The following DIP2A variants were observed in gnomAD, a reference collection of about 807,000 sequenced individuals.
DIP2A encodes the protein disco-interacting protein 2 homolog A.
Under a neutral mutation model 177.4 loss-of-function variants are expected in DIP2A, and 85 were observed. The ratio of observed to expected loss-of-function variants is 0.48; its 90% confidence interval spans 0.40 to 0.57. DIP2A has a LOEUF of 0.57. Among genes scored for constraint, DIP2A ranks in the 20% least tolerant of loss-of-function variants. DIP2A has a pLI of 0.00. For missense variants in DIP2A, 1,791 were observed against 2,100.2 expected (o/e 0.85, Z 2.88); for synonymous variants, 886 against 881.8 (o/e 1.00, Z -0.08).
At position 46,511,504 on chromosome 21, in the gene DIP2A, G is replaced by A. The variant is rs369917913; in HGVS notation, c.992G>A (p.Arg331Gln). 2.7e-5 allele frequency: 43 copies of A among 1,612,540 alleles called. No homozygotes were observed. Among genetic ancestry groups the A allele is most frequent in the Non-Finnish European group, 3.2e-5 (38 of 1,179,402 alleles). The change falls in exon 8 of 38, where the codon CGA becomes CAA. Residue 331 changes from arginine to glutamine, a missense_variant. By Grantham distance (43) the Arg-to-Gln change is conservative. Coordinates refer to ENST00000417564, the MANE Select transcript of DIP2A (RefSeq NM_015151.4). ...GAGCCTCTCACTGCAGGTGTCCCCC[G>A]ACCGCCGTCGCTGTTGGCCACCTTG... ...RGEPLTAGVP[R>Q]PPSLLATLQR...
At chr21:46,483,374 T>C (rs1306505908) in intron 1 of DIP2A, among the ~76,000 whole-genome samples, 2 of 145,052 alleles carry the variant, frequency 1.4e-5, no homozygotes, top group Non-Finnish European at 3.0e-5. Flanking sequence ...TGGAACACAG[T>C]GGGGACACAG....
chr21:46,489,374 G>A (rs931754937), intron 2 of DIP2A, among the ~76,000 whole-genome samples: 3 of 152,272 alleles, frequency 2.0e-5, no homozygotes, highest in Admixed American at 6.5e-5. Context: ...ATCCTGTGAG[G>A]GCTCCTCAGT....
chr21:46,490,322 C>T (rs1280327612), intron 2 of DIP2A, among the ~76,000 whole-genome samples: 1 of 152,154 alleles, frequency 6.6e-6, no homozygotes, highest in African/African-American at 2.4e-5. Flanking sequence ...CTGCCATGTA[C>T]TGTGCTGCCA....
chr21:46,525,087 G>T (rs189754008), intron 8 of DIP2A, among the ~76,000 whole-genome samples: 97 of 151,732 alleles, frequency 6.4e-4, no homozygotes, highest in Middle Eastern at 3.4e-3. Flanking sequence ...GGGTTTCACT[G>T]TGTTGACCAG....
chr21:46,459,313 C>A, intron 1 of DIP2A, 91 bp downstream of exon 1: 2 of 1,101,640 alleles, frequency 1.8e-6, no homozygotes, highest in South Asian at 3.5e-5. Context: ...CGCGGCCCCT[C>A]ACTCCAGGAC....
At chr21:46,504,318 A>C in intron 5 of DIP2A, 43 bp from the exon 6 acceptor site, 1 of 1,609,664 alleles carries the variant, frequency 6.2e-7, no homozygotes, top group East Asian at 2.2e-5. Context: ...TACTCATTTG[A>C]CTTAACAGCC....
Position 46,554,257 on chromosome 21 carries a change from G to A in DIP2A, c.3119G>A (p.Ser1040Asn). The A allele has an allele frequency of 6.2e-7, 1 of 1,613,968 alleles. No homozygotes were observed. The highest frequency in any genetic ancestry group is 1.1e-5 in the South Asian group (1 of 91,084). Residue 1040 changes from serine (S) to asparagine (N), a missense_variant, in exon 26 of 38, where the codon AGT (serine) becomes AAT (asparagine). By Grantham distance (46) the Ser-to-Asn change is conservative. Coordinates refer to ENST00000417564, the MANE Select transcript of DIP2A (RefSeq NM_015151.4). ...AAALMEKGRL[S>N]VGDHVALVYP... Reference sequence around the variant, plus strand: ...GCTCTGATGGAGAAGGGAAGACTGAGTGTTGGGGACCATGTGGCTCTGGTC... The same window carrying A: ...GCTCTGATGGAGAAGGGAAGACTGAATGTTGGGGACCATGTGGCTCTGGTC...
chr21:46,544,731 G>A (rs947028979), intron 18 of DIP2A, among the ~76,000 whole-genome samples: 1 of 152,194 alleles, frequency 6.6e-6, no homozygotes, highest in Non-Finnish European at 1.5e-5. Flanking sequence ...AGTTCTGTCA[G>A]GCTCTGGAGC....
chr21:46,538,358 G>A, intron 15 of DIP2A, 125 bp from the exon 16 acceptor site: 1 of 1,353,714 alleles, frequency 7.4e-7, no homozygotes, highest in Non-Finnish European at 9.8e-7. Context: ...TGTGACCTGG[G>A]AGCTAAGTGT....
intron 1 of DIP2A, among the ~76,000 whole-genome samples, chr21:46,474,628 GT>G (rs1443158067): frequency 2.0e-5 from 3 of 152,070 alleles, no homozygotes; most frequent in Non-Finnish European, 4.4e-5. Flanking sequence ...GGTTGAAGAG[GT>G]TTTTTTGTTT....
In DIP2A at chr21:46,495,244, TTCTCTCTCTC is replaced by T. The variant is rs371550332; in HGVS notation, c.284-1718_284-1709del. 7.2e-3 allele frequency among the ~76,000 whole-genome samples: 275 copies of T among 38,176 alleles called. 13 individuals are homozygous for T. The highest frequency in any genetic ancestry group is 0.03 in the African/African-American group (254 of 8,506). The allele number at this position is 38,176 out of a possible 152,430, so 25.0% of individuals were successfully genotyped here. A position where few individuals can be genotyped will look rare whatever the true frequency, so the allele number is the denominator to read the frequency against. ...CTTCTCTTCTCTTCTCTTCTCTTCTTTCTCTCTCTCTCTCTCTCTCTCTCTCTCTCTCTCT... is the reference window on the plus strand; with the variant it reads ...CTTCTCTTCTCTTCTCTTCTCTTCTTTCTCTCTCTCTCTCTCTCTCTCTCT... On this transcript the variant is annotated intron_variant, in intron 3 of 37. Coordinates refer to ENST00000417564, the MANE Select transcript of DIP2A (RefSeq NM_015151.4).
intron 1 of DIP2A, among the ~76,000 whole-genome samples, chr21:46,463,463 A>G (rs2054497823): frequency 6.6e-6 from 1 of 152,188 alleles, no homozygotes; most frequent in Non-Finnish European, 1.5e-5. Context: ...GGCTACCTTT[A>G]TCCCATTCCA....
Position 46,472,910 on chromosome 21 carries a change from C to T in DIP2A, c.92-11847C>T, listed in dbSNP as rs555225697. Among the ~76,000 whole-genome samples, 181 of 152,286 alleles carry T rather than the reference C, an allele frequency of 1.2e-3. 5 individuals are homozygous for T. The South Asian group carries it at 0.036, about 30-fold the overall frequency. On this transcript the variant is annotated intron_variant, in intron 1 of 37. Coordinates refer to ENST00000417564, the MANE Select transcript of DIP2A (RefSeq NM_015151.4). ...AACTTTCTGCTACGATGGGAAAGTT[C>T]TGTGGTGTCCAGCATGGTGGCCACC...
rs773353830 is a variant in DIP2A at position 46,498,863 on chromosome 21, C to T, written c.655+30C>T. ...GTAATAAGCTGCTGCGGCCCCTGTG[C>T]CAGCAGAGCGGGGTCAGGAGTGTCC... On this transcript the variant is annotated intron_variant, in intron 5 of 37. Coordinates refer to ENST00000417564, the MANE Select transcript of DIP2A (RefSeq NM_015151.4). This position sits in a 1 kb window ranked among gnomAD's most constrained non-coding sequence, Gnocchi z 4.3. The T allele has an allele frequency of 3.8e-6, 6 of 1,585,472 alleles. No individual in the cohort carries two copies. The South Asian group carries it at 6.9e-5, about 18-fold the overall frequency.
intron 1 of DIP2A, among the ~76,000 whole-genome samples, chr21:46,483,861 G>A (rs1012581729): frequency 6.6e-6 from 1 of 152,186 alleles, no homozygotes; most frequent in Admixed American, 6.5e-5. Flanking sequence ...CATGAGAATT[G>A]TAATATGTAT....
At chr21:46,527,203 T>A (rs1336273320) in intron 8 of DIP2A, among the ~76,000 whole-genome samples, 1 of 152,202 alleles carries the variant, frequency 6.6e-6, no homozygotes, top group Admixed American at 6.5e-5. Flanking sequence ...TAAAACTGAC[T>A]TGGTCATGAT....
At position 46,556,835 on chromosome 21, in the gene DIP2A, C is replaced by T. The variant is rs1023698646; in HGVS notation, c.3499-104C>T. On this transcript the variant is annotated intron_variant, in intron 29 of 37. Transcript: ENST00000417564. The surrounding 1 kb of genome is among the most constrained non-coding windows in gnomAD (Gnocchi z 4.5). ...GAAATAAATATGATGTTTGGTAGTT[C>T]GGAGCTATGGTCTAGCCATGTGAAC... 14 of 1,014,878 alleles carry T rather than the reference C, an allele frequency of 1.4e-5. No individual in the cohort carries two copies. The highest frequency in any genetic ancestry group is 3.9e-5 in the South Asian group (2 of 51,852). The allele number at this position is 1,014,878 out of a possible 1,614,324, so 62.9% of individuals were successfully genotyped here. A position where few individuals can be genotyped will look rare whatever the true frequency, so the allele number is the denominator to read the frequency against.
intron 18 of DIP2A, 105 bp from the exon 19 acceptor site, chr21:46,545,032 A>G (rs748268060): frequency 1.6e-5 from 19 of 1,173,070 alleles, no homozygotes; most frequent in East Asian, 5.2e-5. Flanking sequence ...TGCTGTGTAT[A>G]TAACATCCTG....
At chr21:46,548,050 C>A (rs953901350) in intron 21 of DIP2A, among the ~76,000 whole-genome samples, 2 of 152,024 alleles carry the variant, frequency 1.3e-5, no homozygotes, top group Non-Finnish European at 2.9e-5. Context: ...TTAAAGCAAT[C>A]GTGAGGGGAT....
Sources: gnomAD v4.1 joint callset for allele counts (sites outside exome capture counted in the v4.1 genomes callset) on GRCh38, gnomAD v4.1.1 for gene constraint, Gnocchi (gnomAD v3.1) non-coding constraint, MANE v1.5 for transcripts, NCBI Gene and HGNC (gene_info 2026-07-23, HGNC 2026-07-21) for gene names.